CAST: variants seen among roughly 807,000 people sequenced by gnomAD.
The protein encoded by CAST is MIR583 host.
Under a neutral mutation model 119.6 loss-of-function variants are expected in CAST, and 76 were observed. The observed-to-expected ratio is 0.64, with a 90% CI of 0.53 to 0.77. The LOEUF is 0.77. CAST is among the 30% of genes least tolerant of loss of function. The pLI is 0.00. For synonymous variants in CAST, 319 were observed against 331.6 expected (o/e 0.96, Z 0.41); for missense variants, 953 against 946.5 (o/e 1.01, Z -0.09).
chr5:96,122,622 C>T, the CAST span, among the ~76,000 whole-genome samples: 3 of 151,936 alleles, frequency 2.0e-5, no homozygotes, highest in African/African-American at 4.8e-5. Flanking sequence ...TCCATGTGTT[C>T]GAGGGGGTAG....
chr5:96,480,863 G>A, the CAST span, among the ~76,000 whole-genome samples: 3 of 152,114 alleles, frequency 2.0e-5, no homozygotes, highest in African/African-American at 7.2e-5. Context: ...GGGAGAGAAT[G>A]GATTAGAGAG....
At chr5:96,202,800 T>C in the CAST span, among the ~76,000 whole-genome samples, 1 of 152,098 alleles carries the variant, frequency 6.6e-6, no homozygotes, top group Non-Finnish European at 1.5e-5. Context: ...GTAGATAGCA[T>C]TAATTCCTCC....
the CAST span, among the ~76,000 whole-genome samples, chr5:96,045,355 AG>A: frequency 1.3e-5 from 2 of 150,054 alleles, no homozygotes; most frequent in Non-Finnish European, 3.0e-5. Context: ...CTCTGTCTCA[AG>A]AAAAAAAAAA....
chr5:96,487,246 C>T, the CAST span, among the ~76,000 whole-genome samples: 3 of 152,188 alleles, frequency 2.0e-5, no homozygotes, highest in Admixed American at 6.5e-5. Context: ...AACAGAGCCA[C>T]GGCCTATTCT....
the CAST span, among the ~76,000 whole-genome samples, chr5:96,046,050 GA>G: frequency 6.6e-6 from 1 of 152,040 alleles, no homozygotes. Flanking sequence ...ATTTCAGGCA[GA>G]AAAAAACAGA....
At chr5:96,035,445 T>G in the CAST span, among the ~76,000 whole-genome samples, 1 of 151,880 alleles carries the variant, frequency 6.6e-6, no homozygotes, top group East Asian at 1.9e-4. Flanking sequence ...CCCAAAACTG[T>G]CTGATCCCCA....
the CAST span, among the ~76,000 whole-genome samples, chr5:96,307,512 T>G: frequency 2.0e-5 from 3 of 152,360 alleles, no homozygotes; most frequent in Non-Finnish European, 4.4e-5. Context: ...AGCTGGTTAT[T>G]TTGCCTGTTA....
At chr5:96,684,681 G>A (rs1036441622) in intron 2 of CAST, among the ~76,000 whole-genome samples, 22 of 151,716 alleles carry the variant, frequency 1.5e-4, no homozygotes, top group Non-Finnish European at 2.8e-4. Context: ...TCCTGCCTTA[G>A]CCTCCCAAGT....
chr5:96,649,127 A>G (rs1748059818), intron 1 of CAST, among the ~76,000 whole-genome samples: 1 of 152,218 alleles, frequency 6.6e-6, no homozygotes, highest in South Asian at 2.1e-4. Context: ...TGGCAGTTTC[A>G]TGCTGTTCAA....
the CAST span, among the ~76,000 whole-genome samples, chr5:96,183,826 G>A: frequency 6.6e-6 from 1 of 152,116 alleles, no homozygotes; most frequent in African/African-American, 2.4e-5. Flanking sequence ...CTAGATTTGA[G>A]GGTGGAATGT....
chr5:96,553,363 C>T (rs1028524304), intron 1 of CAST, among the ~76,000 whole-genome samples: 1 of 152,162 alleles, frequency 6.6e-6, no homozygotes, highest in Non-Finnish European at 1.5e-5. Flanking sequence ...ATTCAACAGC[C>T]TTTCATGCTA....
At chr5:96,033,523 A>G in the CAST span, among the ~76,000 whole-genome samples, 13 of 152,174 alleles carry the variant, frequency 8.5e-5, no homozygotes, top group African/African-American at 3.1e-4. Flanking sequence ...ATTTCCAACA[A>G]AGATACCAAG....
the CAST span, among the ~76,000 whole-genome samples, chr5:96,486,639 T>C: frequency 6.2e-4 from 94 of 152,308 alleles, no homozygotes; most frequent in African/African-American, 1.9e-3. Context: ...TGCATCAGCA[T>C]TTCTACCAAA....
At chr5:96,494,125 C>T in the CAST span, among the ~76,000 whole-genome samples, 9 of 152,188 alleles carry the variant, frequency 5.9e-5, no homozygotes, top group Admixed American at 1.3e-4. Context: ...TTGGGGATAG[C>T]CCAACAAAAG....
At chr5:96,123,722 T>C in the CAST span, among the ~76,000 whole-genome samples, 1 of 152,176 alleles carries the variant, frequency 6.6e-6, no homozygotes, top group Non-Finnish European at 1.5e-5. Context: ...TTCAACAAGA[T>C]GGAAATGCCT....
At chr5:96,718,207 T>C (rs1421237475) in intron 3 of CAST, among the ~76,000 whole-genome samples, 1 of 152,180 alleles carries the variant, frequency 6.6e-6, no homozygotes, top group Non-Finnish European at 1.5e-5. Context: ...GATTTCAGCC[T>C]ATATCTATCT....
the CAST span, among the ~76,000 whole-genome samples, chr5:96,023,004 G>A: frequency 1.2e-4 from 18 of 152,134 alleles, no homozygotes; most frequent in Admixed American, 9.8e-4. Context: ...AAATAACCGG[G>A]ATTAACTAAC....
At chr5:96,145,185 C>A in the CAST span, among the ~76,000 whole-genome samples, 3 of 152,168 alleles carry the variant, frequency 2.0e-5, no homozygotes, top group Admixed American at 2.0e-4. Flanking sequence ...GTTTATCTTT[C>A]ATTTTGCAAG....
At chr5:96,580,592 G>A (rs182219736) in intron 1 of CAST, among the ~76,000 whole-genome samples, 1 of 152,276 alleles carries the variant, frequency 6.6e-6, no homozygotes, top group East Asian at 1.9e-4. Context: ...AGTAGGGCTT[G>A]GGATTCTGCA....
Sources: allele counts gnomAD v4.1 joint callset (sites outside exome capture counted in the v4.1 genomes callset), GRCh38; gene constraint gnomAD v4.1.1; transcripts MANE v1.5; gene names NCBI Gene and HGNC (gene_info 2026-07-23, HGNC 2026-07-21).